The following TBL1XR1 variants were observed in gnomAD, a reference collection of about 807,000 sequenced individuals.
The protein encoded by TBL1XR1 is TBL1X/Y related 1.
In TBL1XR1, 5 loss-of-function variants were observed where a neutral mutation model predicts 66.9. That is an observed-to-expected ratio of 0.07 (90% confidence interval 0.04 to 0.16). The LOEUF is 0.16. Among genes scored for constraint, TBL1XR1 ranks in the 10% least tolerant of loss-of-function variants. TBL1XR1 has a pLI of 1.00. For missense variants in TBL1XR1, 238 were observed against 623.2 expected (o/e 0.38, Z 6.58); for synonymous variants, 210 against 206.0 (o/e 1.02, Z -0.17).
chr3:177,177,868 G>A (rs1446953547), intron 1 of TBL1XR1, among the ~76,000 whole-genome samples: 1 of 151,890 alleles, frequency 6.6e-6, no homozygotes, highest in East Asian at 1.9e-4. Context: ...AATTCTGGAG[G>A]GACGTTTAAA....
At chr3:177,131,784 G>A (rs1354084860) in intron 1 of TBL1XR1, among the ~76,000 whole-genome samples, 3 of 151,880 alleles carry the variant, frequency 2.0e-5, no homozygotes, top group Admixed American at 6.6e-5. Context: ...TCACAGGCGT[G>A]AGCCACCATA....
chr3:177,061,326 T>TA (rs1718490448), intron 3 of TBL1XR1, among the ~76,000 whole-genome samples: 3 of 152,142 alleles, frequency 2.0e-5, no homozygotes, highest in Non-Finnish European at 2.9e-5. Context: ...TTGACAACAG[T>TA]AAAAAATATT....
intron 5 of TBL1XR1, 21 bp downstream of exon 5, chr3:177,051,483 A>T: frequency 2.6e-6 from 4 of 1,560,124 alleles, no homozygotes; most frequent in Non-Finnish European, 3.4e-6. Context: ...TAATTAAAAA[A>T]AAATTCTTGT....
chr3:177,073,916 A>T (rs1356567809), intron 2 of TBL1XR1, among the ~76,000 whole-genome samples: 1 of 152,188 alleles, frequency 6.6e-6, no homozygotes, highest in Non-Finnish European at 1.5e-5. Flanking sequence ...CTTTCCTTCT[A>T]ACCAAAACTT....
intron 10 of TBL1XR1, among the ~76,000 whole-genome samples, chr3:177,043,191 A>T (rs1715839806): frequency 6.6e-6 from 1 of 152,140 alleles, no homozygotes. Flanking sequence ...GATAATCTTC[A>T]AATCGTTTAT....
chr3:177,033,024 T>C lies in TBL1XR1; in HGVS notation c.1363A>G (p.Arg455Gly), dbSNP rs1050780080. The C allele has an allele frequency of 7.5e-6, 12 of 1,607,748 alleles. No homozygotes were observed. Among genetic ancestry groups the C allele is most frequent in the Non-Finnish European group, 9.4e-6 (11 of 1,176,310 alleles). Reference protein sequence around the residue: ...VYSVAFSPDGRYLASGSFDKC... With the variant: ...VYSVAFSPDGGYLASGSFDKC... ...TCAAAAGAACCACTTGCCAGATACC[T>C]GCCATCAGGACTGAAAGCTACACTG... is the stretch of plus-strand genomic sequence containing the variant. Residue 455 changes from arginine (R) to glycine (G), a missense_variant, in exon 14 of 16, where the codon AGG (arginine) becomes GGG (glycine). Physicochemically the swap from Arg to Gly is moderately radical, Grantham distance 125. Transcript: ENST00000457928.
chr3:177,096,335 T>TACAC (rs6148210), intron 2 of TBL1XR1, among the ~76,000 whole-genome samples: 3,754 of 150,310 alleles, frequency 0.025, 72 homozygotes, highest in Middle Eastern at 0.034. Flanking sequence ...CATACATACA[T>TACAC]ACACACACAC....
At chr3:177,069,652 T>C (rs1259893580) in intron 2 of TBL1XR1, among the ~76,000 whole-genome samples, 1 of 151,710 alleles carries the variant, frequency 6.6e-6, no homozygotes, top group Admixed American at 6.6e-5. Context: ...AGAATGAGAA[T>C]TGCTTGAACC....
Position 177,019,844 on chromosome 3 carries a change from G to T in TBL1XR1, c.*5654C>A, listed in dbSNP as rs1017289497. On this transcript the variant is annotated 3_prime_UTR_variant, in exon 16 of 16. Transcript: ENST00000457928. The stretch of plus-strand genomic sequence containing the variant: ...TAATAATCTATGCCATGCAATAAAA[G>T]TTAACCCCTTGAAAATGAAAGCATG... 3.9e-5 allele frequency: 6 copies of T among 151,978 alleles called. No homozygotes were observed. The highest frequency in any genetic ancestry group is 5.9e-5 in the Non-Finnish European group (4 of 67,996). 9.4% of individuals were successfully genotyped at this position (151,978 alleles called of 1,614,324 possible).
At chr3:177,057,639 G>C (rs1003795618) in intron 3 of TBL1XR1, among the ~76,000 whole-genome samples, 40 of 152,098 alleles carry the variant, frequency 2.6e-4, no homozygotes, top group African/African-American at 9.4e-4. Flanking sequence ...TGCAGAAAAA[G>C]GCTTTTTCCA....
chr3:177,098,573 G>C (rs1199058968), intron 1 of TBL1XR1, 32 bp from the exon 2 acceptor site: 3 of 968,328 alleles, frequency 3.1e-6, no homozygotes, highest in Non-Finnish European at 2.5e-6. Flanking sequence ...TATTCAATGT[G>C]CCCTAAAACA....
intron 1 of TBL1XR1, among the ~76,000 whole-genome samples, chr3:177,190,187 A>G (rs1304256761): frequency 6.6e-6 from 1 of 150,886 alleles, no homozygotes; most frequent in Non-Finnish European, 1.5e-5. Context: ...AAGCATCATT[A>G]TACCTAACTA....
rs576037850 is a variant in TBL1XR1 at position 177,149,270 on chromosome 3, C to T, written c.-122+47851G>A. Among the ~76,000 whole-genome samples, 6 of 152,238 alleles carry T rather than the reference C, an allele frequency of 3.9e-5. No individual in the cohort carries two copies. In the South Asian group the frequency reaches 1.2e-3, roughly 32 times the overall value. On this transcript the variant is annotated intron_variant, in intron 1 of 15. Transcript: ENST00000457928. ...TTTAGTGTTCAGTATCCCTGGCTTT[C>T]TCAAATCTAGTTCTGCAGCATGGTT...
chr3:177,103,670 G>T (rs1022738380), intron 1 of TBL1XR1, among the ~76,000 whole-genome samples: 3 of 152,012 alleles, frequency 2.0e-5, no homozygotes, highest in Non-Finnish European at 4.4e-5. Flanking sequence ...GACATTATGG[G>T]CCCTTTTCCT....
chr3:177,083,491 A>C (rs1721703306), intron 2 of TBL1XR1, among the ~76,000 whole-genome samples: 1 of 152,226 alleles, frequency 6.6e-6, no homozygotes, highest in African/African-American at 2.4e-5. Context: ...AACTATTTTC[A>C]AATTTAAAGA....
chr3:177,132,905 C>T (rs761682454), intron 1 of TBL1XR1, among the ~76,000 whole-genome samples: 5 of 152,176 alleles, frequency 3.3e-5, no homozygotes, highest in Non-Finnish European at 7.4e-5. Context: ...ACTGCTCACA[C>T]CGCCCTTCAC....
At chr3:177,195,664 C>CAAA (rs1310883468) in intron 1 of TBL1XR1, 1 of 150,654 alleles carries the variant, frequency 6.6e-6, no homozygotes, top group Admixed American at 6.6e-5. Flanking sequence ...GGTGAAGAAG[C>CAAA]CTTTAGGAAA....
intron 2 of TBL1XR1, 102 bp from the exon 3 acceptor site, chr3:177,065,124 C>T (rs983164380): frequency 8.1e-5 from 62 of 761,714 alleles, no homozygotes; most frequent in Admixed American, 5.5e-4. Context: ...TGATGTAAAA[C>T]GAAGGTTCTA....
chr3:177,096,125 GACA>G (rs1723447583), intron 2 of TBL1XR1, among the ~76,000 whole-genome samples: 1 of 152,102 alleles, frequency 6.6e-6, no homozygotes. Flanking sequence ...AAATAAATAT[GACA>G]TACTACACAG....
Sources: gnomAD v4.1 joint callset for allele counts (sites outside exome capture counted in the v4.1 genomes callset) on GRCh38, gnomAD v4.1.1 for gene constraint, MANE v1.5 for transcripts, NCBI Gene and HGNC (gene_info 2026-07-23, HGNC 2026-07-21) for gene names.